The following MCTP1 variants were observed in gnomAD, a reference collection of about 807,000 sequenced individuals.
The protein encoded by MCTP1 is multiple C2 and transmembrane domain containing 1, also known as multiple C2 and transmembrane domain-containing protein 1.
Under a neutral mutation model 120.6 loss-of-function variants are expected in MCTP1, and 69 were observed. That is an observed-to-expected ratio of 0.57 (90% CI 0.47 to 0.70). MCTP1 has a LOEUF of 0.70. Ranked by LOEUF, MCTP1 falls within the 30% of genes least tolerant of loss-of-function variation. The pLI is 0.00. For missense variants in MCTP1, 1,203 were observed against 1,248.8 expected, an observed-to-expected ratio of 0.96 and a Z score of 0.55; for synonymous variants, 529 against 493.1, an observed-to-expected ratio of 1.07 and a Z score of -0.96.
At chr5:94,814,391 C>T (rs1258907922) in intron 17 of MCTP1, among the ~76,000 whole-genome samples, 1 of 152,150 alleles carries the variant, frequency 6.6e-6, no homozygotes, top group Non-Finnish European at 1.5e-5. Flanking sequence ...GTCGATGACA[C>T]TATCCACATG....
At chr5:94,729,425 C>G (rs12514098) in intron 19 of MCTP1, among the ~76,000 whole-genome samples, 22,675 of 152,134 alleles carry the variant, frequency 0.15, 1,883 homozygotes, top group East Asian at 0.33. Context: ...ACCCAGTCAC[C>G]TAGTCACTGC....
chr5:95,194,871 A>C (rs1171964633), intron 1 of MCTP1, among the ~76,000 whole-genome samples: 1 of 152,230 alleles, frequency 6.6e-6, no homozygotes, highest in Admixed American at 6.5e-5. Context: ...CAGGGTGGTC[A>C]TTGATCAAAC....
chr5:94,959,567 A>G (rs1265453709), intron 2 of MCTP1, among the ~76,000 whole-genome samples: 1 of 152,268 alleles, frequency 6.6e-6, no homozygotes, highest in African/African-American at 2.4e-5. Context: ...CAACTTCAGC[A>G]AAGTCTCAGG....
intron 17 of MCTP1, among the ~76,000 whole-genome samples, chr5:94,818,564 A>G (rs1784956974): frequency 6.6e-6 from 1 of 152,232 alleles, no homozygotes; most frequent in Non-Finnish European, 1.5e-5. Context: ...AGTAGACTAT[A>G]AAATAGATAA....
At position 95,265,745 on chromosome 5, in the gene MCTP1, T is replaced by C. The variant is rs980020274; in HGVS notation, c.720+18111A>G. Reference sequence around the variant, plus strand: ...GTGCTACCTGGTAGTGACATTTATCTTTTACATATATATGCTACCTCCCCA... The same window carrying C: ...GTGCTACCTGGTAGTGACATTTATCCTTTACATATATATGCTACCTCCCCA... On this transcript the variant is annotated intron_variant, in intron 1 of 22. Transcript: ENST00000515393. Among the ~76,000 whole-genome samples, 34 of 152,350 alleles carry C rather than the reference T, an allele frequency of 2.2e-4. 1 individual carries two copies. The highest frequency in any genetic ancestry group is 2.0e-3 in the Admixed American group (31 of 15,302).
In MCTP1 at chr5:94,724,180, G is replaced by A. The variant is rs186109051; in HGVS notation, c.2611-9294C>T. Reference sequence around the variant, plus strand: ...TAAATGTAAATAAACCTTACAGCAAGCATCCAGCAATACAGATGGACTTGT... The same window carrying A: ...TAAATGTAAATAAACCTTACAGCAAACATCCAGCAATACAGATGGACTTGT... On this transcript the variant is annotated intron_variant, in intron 19 of 22. Coordinates refer to ENST00000515393, the MANE Select transcript of MCTP1 (RefSeq NM_024717.7). Among the ~76,000 whole-genome samples the A allele has an allele frequency of 1.8e-4, 28 of 152,258 alleles. No homozygotes were observed. The East Asian group carries it at 4.4e-3, about 24-fold the overall frequency.
intron 1 of MCTP1, among the ~76,000 whole-genome samples, chr5:95,097,761 G>T (rs138298492): frequency 1.3e-5 from 2 of 151,982 alleles, no homozygotes; most frequent in Non-Finnish European, 2.9e-5. Context: ...ATGTATTTTG[G>T]GTAAAGGTGA....
chr5:94,805,368 T>A (rs2153043708), intron 17 of MCTP1, among the ~76,000 whole-genome samples: 1 of 152,326 alleles, frequency 6.6e-6, no homozygotes, highest in Non-Finnish European at 1.5e-5. Context: ...GGCTCATGCC[T>A]GTAATCCCAA....
At chr5:94,914,168 A>G (rs1809489401) in intron 8 of MCTP1, among the ~76,000 whole-genome samples, 1 of 152,226 alleles carries the variant, frequency 6.6e-6, no homozygotes, top group South Asian at 2.1e-4. Context: ...TTCAGCATCA[A>G]GCAGTACTGT....
At chr5:95,069,423 A>G (rs1751527105) in intron 1 of MCTP1, among the ~76,000 whole-genome samples, 1 of 149,506 alleles carries the variant, frequency 6.7e-6, no homozygotes, top group Admixed American at 6.9e-5. Flanking sequence ...TCCTTTGTCA[A>G]CCCAGCCTTT....
At chr5:94,768,449 T>C (rs1773305010) in intron 19 of MCTP1, among the ~76,000 whole-genome samples, 1 of 151,744 alleles carries the variant, frequency 6.6e-6, no homozygotes, top group Non-Finnish European at 1.5e-5. Flanking sequence ...AAGGAAATAA[T>C]AAGAACGAAG....
At chr5:95,060,136 CTT>C (rs1458623844) in intron 1 of MCTP1, among the ~76,000 whole-genome samples, 3 of 151,882 alleles carry the variant, frequency 2.0e-5, no homozygotes, top group African/African-American at 7.3e-5. Context: ...TCTCTGGTCT[CTT>C]TAGTATGATA....
intron 10 of MCTP1, among the ~76,000 whole-genome samples, chr5:94,899,056 G>A (rs1329857787): frequency 6.6e-6 from 1 of 152,208 alleles, no homozygotes; most frequent in African/African-American, 2.4e-5. Flanking sequence ...AAACTTGAAT[G>A]TTGGTGTAAG....
chr5:94,809,249 G>T (rs996816878), intron 17 of MCTP1, among the ~76,000 whole-genome samples: 52 of 145,720 alleles, frequency 3.6e-4, no homozygotes, highest in Non-Finnish European at 5.3e-4. Flanking sequence ...TTATTTAAAT[G>T]TTTTTTTTTT....
intron 2 of MCTP1, among the ~76,000 whole-genome samples, chr5:94,972,132 G>T (rs1203093722): frequency 6.6e-6 from 1 of 151,934 alleles, no homozygotes; most frequent in African/African-American, 2.4e-5. Context: ...TACAAATCAG[G>T]CCATTTTATT....
intron 1 of MCTP1, among the ~76,000 whole-genome samples, chr5:95,027,949 C>G (rs917240417): frequency 6.6e-6 from 1 of 152,196 alleles, no homozygotes; most frequent in Admixed American, 6.5e-5. Context: ...AGAGAGGCTG[C>G]AGACAGAAAT....
rs1373440640 is a variant in MCTP1, at chr5:94,706,852, A to G, written c.*644T>C. 5.9e-5 allele frequency: 9 copies of G among 151,914 alleles called. No homozygotes were observed. The highest frequency in any genetic ancestry group is 1.0e-4 in the Non-Finnish European group (7 of 67,886). 9.4% of individuals were successfully genotyped at this position (151,914 alleles called of 1,614,324 possible). A position where few individuals can be genotyped will look rare whatever the true frequency, so the allele number is the denominator to read the frequency against. On this transcript the variant is annotated 3_prime_UTR_variant, in exon 23 of 23. Coordinates refer to ENST00000515393, the MANE Select transcript of MCTP1 (RefSeq NM_024717.7). ...ATGGAATGATTGATTGAAATTCTAT[A>G]AAGAAAACTTTGTAACCTTCTGAGT...
chr5:94,902,952 T>C (rs1805903136), intron 10 of MCTP1, among the ~76,000 whole-genome samples: 1 of 152,194 alleles, frequency 6.6e-6, no homozygotes, highest in African/African-American at 2.4e-5. Flanking sequence ...ATTTTTAAAA[T>C]ATTACAATGA....
At chr5:94,768,480 T>C (rs1336082607) in intron 19 of MCTP1, among the ~76,000 whole-genome samples, 1 of 151,962 alleles carries the variant, frequency 6.6e-6, no homozygotes, top group Non-Finnish European at 1.5e-5. Context: ...CTTTTGCAAC[T>C]ATTTATCCAA....
Sources: allele counts gnomAD v4.1 joint callset (sites outside exome capture counted in the v4.1 genomes callset), GRCh38; gene constraint gnomAD v4.1.1; transcripts MANE v1.5; gene names NCBI Gene and HGNC (gene_info 2026-07-23, HGNC 2026-07-21).